NOL9: variants seen among roughly 807,000 people sequenced by gnomAD.
NOL9 encodes the protein polynucleotide 5'-hydroxyl-kinase NOL9.
Under a neutral mutation model 67.9 loss-of-function variants are expected in NOL9, and 28 were observed. That is an observed-to-expected ratio of 0.41 (90% confidence interval 0.31 to 0.57). NOL9 has a LOEUF of 0.57. NOL9 is among the 20% of genes least tolerant of loss of function. The pLI is 0.25. For missense variants in NOL9, 777 were observed against 897.0 expected, an observed-to-expected ratio of 0.87 and a Z score of 1.71; for synonymous variants, 356 against 352.2, an observed-to-expected ratio of 1.01 and a Z score of -0.12.
chr1:6,539,226 G>A (rs187320339), intron 6 of NOL9, among the ~76,000 whole-genome samples: 81 of 152,322 alleles, frequency 5.3e-4, no homozygotes, highest in African/African-American at 1.7e-3. Flanking sequence ...TGCAGCTACT[G>A]TGAAAAACAG....
rs749695303 is a variant in NOL9, at chr1:6,525,976, C to A, written c.1987G>T (p.Val663Phe). 1 of 1,614,076 alleles carries A rather than the reference C, an allele frequency of 6.2e-7. No homozygotes were observed. The highest frequency in any genetic ancestry group is 1.7e-5 in the Admixed American group (1 of 60,024). ...QRGIEGTVPY[V>F]TTDYNFKLPG... ...AGTTTAAAATTGTAATCCGTTGTGA[C>A]ATAAGGTACTGTCCCTTCGATCCCA... is the stretch of plus-strand genomic sequence containing the variant. The change falls in exon 12 of 12, where the codon GTC (valine) becomes TTC (phenylalanine). Residue 663 changes from valine to phenylalanine, a missense_variant. This residue lies in a region of NOL9 where 413 missense variants were observed against 552.6 expected (regional missense o/e 0.75). Transcript: ENST00000377705.
chr1:6,549,975 G>C (rs943562424), intron 2 of NOL9, among the ~76,000 whole-genome samples: 4 of 152,108 alleles, frequency 2.6e-5, no homozygotes, highest in South Asian at 2.1e-4. Flanking sequence ...CCTCGTAAGG[G>C]TTTATATAGA....
At position 6,532,182 on chromosome 1, in the gene NOL9, T is replaced by TCCA. The variant is rs1164337620; in HGVS notation, c.1536-106_1536-104dup. 4.4e-6 allele frequency: 4 copies of TCCA among 911,496 alleles called. No homozygotes were observed. In the African/African-American group the frequency reaches 6.6e-5, roughly 15 times the overall value. 56.5% of individuals were successfully genotyped at this position (911,496 alleles called of 1,614,324 possible). A position where few individuals can be genotyped will look rare whatever the true frequency, so the allele number is the denominator to read the frequency against. ...CACATTTTCACAGAGTACTGGGCTT[T>TCCA]CCAACACTGCCCCCCCTTGACGGAC... On this transcript the variant is annotated intron_variant, in intron 8 of 11. Transcript: ENST00000377705.
intron 3 of NOL9, among the ~76,000 whole-genome samples, chr1:6,548,942 C>A (rs1023921559): frequency 6.6e-6 from 1 of 151,994 alleles, no homozygotes; most frequent in East Asian, 1.9e-4. Context: ...ATTAGCTGGG[C>A]ATGGTGGCAT....
chr1:6,529,682 T>C lies in NOL9; in HGVS notation c.1648-511A>G, dbSNP rs907306099. ...GGCTCACGCCTGTAATCTCAACCCA[T>C]TGGGAGGCCAAGGTGGGTTGATCAC... is the stretch of plus-strand genomic sequence containing the variant. On this transcript the variant is annotated intron_variant, in intron 9 of 11. Coordinates refer to ENST00000377705, the MANE Select transcript of NOL9 (RefSeq NM_024654.5). 6.6e-5 allele frequency among the ~76,000 whole-genome samples: 10 copies of C among 152,266 alleles called. No individual in the cohort carries two copies. The East Asian group carries it at 1.2e-3, about 18-fold the overall frequency.
intron 6 of NOL9, among the ~76,000 whole-genome samples, chr1:6,538,894 C>T (rs1402460420): frequency 6.6e-6 from 1 of 152,156 alleles, no homozygotes; most frequent in African/African-American, 2.4e-5. Flanking sequence ...ACTGCTTGAA[C>T]CCGGGAGGTG....
chr1:6,539,512 T>G (rs1018535687), intron 6 of NOL9, among the ~76,000 whole-genome samples: 1 of 152,078 alleles, frequency 6.6e-6, no homozygotes, highest in Non-Finnish European at 1.5e-5. Context: ...AGGCAGAATC[T>G]CACTGTTTGT....
At chr1:6,539,358 A>G (rs935690657) in intron 6 of NOL9, among the ~76,000 whole-genome samples, 2 of 152,274 alleles carry the variant, frequency 1.3e-5, no homozygotes, top group Non-Finnish European at 2.9e-5. Context: ...ACCCATGTTC[A>G]TAGCAGGATT....
At chr1:6,529,282 T>G in intron 9 of NOL9, 111 bp from the exon 10 acceptor site, 1 of 937,328 alleles carries the variant, frequency 1.1e-6, no homozygotes, top group Non-Finnish European at 1.6e-6. Flanking sequence ...AAGTGCCTAC[T>G]CAAAAGTATC....
At chr1:6,538,813 T>G (rs1189784275) in intron 6 of NOL9, among the ~76,000 whole-genome samples, 3 of 151,902 alleles carry the variant, frequency 2.0e-5, no homozygotes, top group Non-Finnish European at 4.4e-5. Context: ...TGAAACCCTA[T>G]CTCTACTAAA....
intron 4 of NOL9, 54 bp from the exon 5 acceptor site, chr1:6,544,976 A>G (rs376754874): frequency 6.2e-7 from 1 of 1,613,982 alleles, no homozygotes; most frequent in Non-Finnish European, 8.5e-7. Context: ...CTTGGACTCG[A>G]ATTATGACTA....
Position 6,522,323 on chromosome 1 carries a change from G to A in NOL9, c.*3531C>T, listed in dbSNP as rs1021133662. 1 of 152,202 alleles carries A rather than the reference G, an allele frequency of 6.6e-6. No individual in the cohort carries two copies. The highest frequency in any genetic ancestry group is 2.4e-5 in the African/African-American group (1 of 41,442). 9.4% of individuals were successfully genotyped at this position (152,202 alleles called of 1,614,324 possible). On this transcript the variant is annotated 3_prime_UTR_variant, in exon 12 of 12. Transcript: ENST00000377705. ...CCAACACCTTGGGAGGCCAAGGCAG[G>A]CGGATCCCCTGAGGTTGGAAGTTCG...
In NOL9 at chr1:6,532,597, T is replaced by A. The variant is rs771051834; in HGVS notation, c.1401A>T (p.Arg467=). ...YTKSKTKMRN[R]RFRLAAFADA... ...CTGCAAATGCTGCGAGTCTGAAACG[T>A]CGATTTCTCATCTTGGTCTTGCTTT... is the stretch of plus-strand genomic sequence containing the variant. The change falls in exon 8 of 12, where the codon CGA becomes CGT. Residue 467 remains arginine, a synonymous_variant. Coordinates refer to ENST00000377705, the MANE Select transcript of NOL9 (RefSeq NM_024654.5). 8.0e-5 allele frequency: 129 copies of A among 1,614,092 alleles called. No individual in the cohort carries two copies. Among genetic ancestry groups the A allele is most frequent in the Non-Finnish European group, 1.1e-4 (124 of 1,180,052 alleles).
chr1:6,553,518 T>C (rs897453778), intron 1 of NOL9, among the ~76,000 whole-genome samples: 4 of 85,678 alleles, frequency 4.7e-5, no homozygotes, highest in Non-Finnish European at 5.4e-5. Context: ...TCTCAGTAAT[T>C]GCAACCTTTT....
rs1638813171 is a variant in NOL9 at position 6,523,414 on chromosome 1, T to C, written c.*2440A>G. 9 of 149,852 alleles carry C rather than the reference T, an allele frequency of 6.0e-5. No individual in the cohort carries two copies. The highest frequency in any genetic ancestry group is 6.0e-4 in the Admixed American group (9 of 15,004). 9.3% of individuals were successfully genotyped at this position (149,852 alleles called of 1,614,324 possible). On this transcript the variant is annotated 3_prime_UTR_variant, in exon 12 of 12. Coordinates refer to ENST00000377705, the MANE Select transcript of NOL9 (RefSeq NM_024654.5). ...GGCCAACATGGTGAAACCCCTTCTC[T>C]ACTAAAAATAGAAAATCAGCCAGGC...
rs192691693 is a variant in NOL9 at position 6,525,847 on chromosome 1, G to A, written c.*7C>T. On this transcript the variant is annotated 3_prime_UTR_variant, in exon 12 of 12. Transcript: ENST00000377705. ...GAAAGTTTCTTCCCTTATTAAAAAC[G>A]CGAGCATCACTTCATTTTTCGACAG... 15 of 1,613,662 alleles carry A rather than the reference G, an allele frequency of 9.3e-6. No individual in the cohort carries two copies. Among genetic ancestry groups the A allele is most frequent in the Admixed American group, 6.7e-5 (4 of 59,916 alleles).
chr1:6,526,591 G>T (rs1638889751), intron 11 of NOL9, 105 bp downstream of exon 11: 1 of 1,194,330 alleles, frequency 8.4e-7, no homozygotes, highest in Non-Finnish European at 1.2e-6. Flanking sequence ...CAAAGTATAG[G>T]TTTCCCAGAT....
At chr1:6,533,167 C>T in intron 7 of NOL9, 113 bp downstream of exon 7, 1 of 1,114,214 alleles carries the variant, frequency 9.0e-7, no homozygotes, top group Admixed American at 2.5e-5. Flanking sequence ...AGAGTGAGAC[C>T]CTGCCTCAAT....
chr1:6,544,676 G>T, intron 5 of NOL9, 150 bp downstream of exon 5: 1 of 728,256 alleles, frequency 1.4e-6, no homozygotes, highest in Non-Finnish European at 2.3e-6. Flanking sequence ...CAAAGCAGAC[G>T]GCAGTGAGGA....
Sources: allele counts gnomAD v4.1 joint callset (sites outside exome capture counted in the v4.1 genomes callset), GRCh38; gene constraint gnomAD v4.1.1; regional missense constraint gnomAD v4.1.1; transcripts MANE v1.5; gene names NCBI Gene and HGNC (gene_info 2026-07-23, HGNC 2026-07-21).